The following FGF14 variants were observed in gnomAD, a reference collection of about 807,000 sequenced individuals.
FGF14 encodes fibroblast growth factor homologous factor 4.
FGF14 carries 5 observed loss-of-function variants against 25.5 expected under a neutral mutation model. The ratio of observed to expected loss-of-function variants is 0.20; its 90% CI spans 0.10 to 0.41. The LOEUF is 0.41. Ranked by LOEUF, FGF14 falls within the 10% of genes least tolerant of loss-of-function variation. The pLI, the probability that FGF14 is intolerant of heterozygous loss-of-function variation, is 1.00. For synonymous variants in FGF14, 138 were observed against 118.3 expected, an observed-to-expected ratio of 1.17 and a Z score of -1.08; for missense variants, 222 against 320.1, an observed-to-expected ratio of 0.69 and a Z score of 2.34.
At chr13:101,980,405 A>C (rs979656310) in intron 1 of FGF14, among the ~76,000 whole-genome samples, 1 of 152,106 alleles carries the variant, frequency 6.6e-6, no homozygotes, top group African/African-American at 2.4e-5. Flanking sequence ...TGTTTTTAAA[A>C]GTCTCTGCAT....
intron 1 of FGF14, among the ~76,000 whole-genome samples, chr13:101,965,675 GTTT>G (rs201323636): frequency 2.1e-5 from 3 of 143,630 alleles, no homozygotes; most frequent in Non-Finnish European, 3.0e-5. Context: ...TTTTGTGTTA[GTTT>G]TTTTTTTTTT....
At chr13:101,727,296 GA>G (rs2035502853) in intron 3 of FGF14, among the ~76,000 whole-genome samples, 1 of 152,102 alleles carries the variant, frequency 6.6e-6, no homozygotes, top group African/African-American at 2.4e-5. Flanking sequence ...GGAACAAACT[GA>G]AACCTCAAAC....
chr13:101,858,175 C>G (rs2044223142), intron 3 of FGF14, among the ~76,000 whole-genome samples: 1 of 148,996 alleles, frequency 6.7e-6, no homozygotes, highest in Non-Finnish European at 1.5e-5. Context: ...CAGTGCCTGA[C>G]AGGTACCTCC....
At chr13:102,055,781 TA>T (rs1477801560) in intron 1 of FGF14, among the ~76,000 whole-genome samples, 1 of 152,192 alleles carries the variant, frequency 6.6e-6, no homozygotes, top group African/African-American at 2.4e-5. Context: ...TCTATTTTCA[TA>T]CTGCTGATAA....
At chr13:102,012,191 C>G (rs1487914995) in intron 1 of FGF14, among the ~76,000 whole-genome samples, 1 of 151,688 alleles carries the variant, frequency 6.6e-6, no homozygotes, top group Non-Finnish European at 1.5e-5. Context: ...TGGAAATGGA[C>G]AGAAGAGAAG....
At chr13:101,926,810 T>C (rs1283957687) in intron 1 of FGF14, among the ~76,000 whole-genome samples, 1 of 152,232 alleles carries the variant, frequency 6.6e-6, no homozygotes, top group African/African-American at 2.4e-5. Flanking sequence ...AGTAGATAAT[T>C]GGTCTTTCCT....
chr13:102,018,770 C>T (rs1377379688), intron 1 of FGF14, among the ~76,000 whole-genome samples: 2 of 142,992 alleles, frequency 1.4e-5, no homozygotes, highest in African/African-American at 3.0e-5. Context: ...TGTTCATCTA[C>T]TCTGGCTTAG....
At chr13:102,120,259 T>C (rs1213640915) in intron 1 of FGF14, among the ~76,000 whole-genome samples, 1 of 151,854 alleles carries the variant, frequency 6.6e-6, no homozygotes, top group Non-Finnish European at 1.5e-5. Flanking sequence ...GCAGCAACAC[T>C]AAACAAAGCC....
chr13:102,371,154 C>CAAA (rs2057871221), intron 1 of FGF14, among the ~76,000 whole-genome samples: 1 of 152,176 alleles, frequency 6.6e-6, no homozygotes, highest in Admixed American at 6.5e-5. Flanking sequence ...CTTAAGGCCT[C>CAAA]AGTCTTATTT....
chr13:101,739,330 T>TA (rs1378785095), intron 3 of FGF14, among the ~76,000 whole-genome samples: 1 of 152,170 alleles, frequency 6.6e-6, no homozygotes, highest in African/African-American at 2.4e-5. Context: ...GAAGTTAGAA[T>TA]AAGCAAAAGT....
At chr13:101,797,772 T>TGTGTGCGTGC (rs34927828) in intron 3 of FGF14, among the ~76,000 whole-genome samples, 71 of 145,670 alleles carry the variant, frequency 4.9e-4, no homozygotes, top group African/African-American at 1.6e-3. Flanking sequence ...TGTGTGTGTG[T>TGTGTGCGTGC]GTGTGTGTGT....
intron 3 of FGF14, among the ~76,000 whole-genome samples, chr13:101,847,372 T>C (rs1326454393): frequency 5.9e-5 from 9 of 152,058 alleles, no homozygotes; most frequent in Admixed American, 5.9e-4. Context: ...CTGCCTCTCT[T>C]ATATGAGCTA....
intron 2 of FGF14, among the ~76,000 whole-genome samples, chr13:101,872,610 C>T (rs1055444493): frequency 1.3e-5 from 2 of 151,954 alleles, no homozygotes; most frequent in Middle Eastern, 3.2e-3. Flanking sequence ...GGCCAGAGGA[C>T]ATAAAAATGA....
chr13:101,861,193 A>G (rs1798814164), intron 3 of FGF14, among the ~76,000 whole-genome samples: 1 of 152,136 alleles, frequency 6.6e-6, no homozygotes, highest in Admixed American at 6.5e-5. Flanking sequence ...CTATCTGCAC[A>G]GCTTTCCCAA....
At chr13:101,734,720 A>G (rs1321208363) in intron 3 of FGF14, among the ~76,000 whole-genome samples, 1 of 152,148 alleles carries the variant, frequency 6.6e-6, no homozygotes, top group African/African-American at 2.4e-5. Context: ...TAATACACTA[A>G]TTTAACCCTC....
In FGF14 at chr13:101,715,698, T is replaced by C. The variant is rs1397673957; in HGVS notation, c.*7133A>G. 1 of 1,301,606 alleles carries C rather than the reference T, an allele frequency of 7.7e-7. No homozygotes were observed. 80.6% of individuals were successfully genotyped at this position (1,301,606 alleles called of 1,614,324 possible). On this transcript the variant is annotated 3_prime_UTR_variant, in exon 5 of 5. Transcript: ENST00000376143. Reference sequence around the variant, plus strand: ...CTGGATTCTTATTTTTTCTGGGCCATTAGAACAGATAAATGCGAAGGAAAC... The same window carrying C: ...CTGGATTCTTATTTTTTCTGGGCCACTAGAACAGATAAATGCGAAGGAAAC...
At chr13:101,875,322 A>G in intron 1 of FGF14, 26 bp from the exon 2 acceptor site, 1 of 1,479,980 alleles carries the variant, frequency 6.8e-7, no homozygotes, top group South Asian at 1.1e-5. Context: ...AGTTATCATA[A>G]GCCTCACAAT....
chr13:102,401,211 A>T (rs931753767), intron 1 of FGF14, among the ~76,000 whole-genome samples: 1 of 118,750 alleles, frequency 8.4e-6, no homozygotes, highest in Non-Finnish European at 1.7e-5. Context: ...CAAATACATT[A>T]AAAAAAAAAA....
At chr13:101,862,375 C>T (rs1263991306) in intron 3 of FGF14, among the ~76,000 whole-genome samples, 2 of 151,660 alleles carry the variant, frequency 1.3e-5, no homozygotes, top group Admixed American at 1.3e-4. Flanking sequence ...TTTTCTTAGG[C>T]TCTCAGTATC....
Sources: gnomAD v4.1 joint callset for allele counts (sites outside exome capture counted in the v4.1 genomes callset) on GRCh38, gnomAD v4.1.1 for gene constraint, MANE v1.5 for transcripts, NCBI Gene and HGNC (gene_info 2026-07-23, HGNC 2026-07-21) for gene names.